RBMS3: variants seen among roughly 807,000 people sequenced by gnomAD.
RBMS3 encodes the protein RNA binding motif single stranded interacting protein 3.
A neutral mutation model predicts 66.8 loss-of-function variants in RBMS3; 27 were observed. The ratio of observed to expected loss-of-function variants is 0.40; its 90% CI spans 0.30 to 0.56. RBMS3 has a LOEUF of 0.56. Ranked by LOEUF, RBMS3 falls within the 20% of genes least tolerant of loss-of-function variation. The pLI, the probability that RBMS3 is intolerant of heterozygous loss-of-function variation, is 0.40. For synonymous variants in RBMS3, 188 were observed against 183.0 expected, an observed-to-expected ratio of 1.03 and a Z score of -0.22; for missense variants, 513 against 549.5, an observed-to-expected ratio of 0.93 and a Z score of 0.66.
chr3:29,861,008 C>G (rs1258011189), intron 6 of RBMS3, among the ~76,000 whole-genome samples: 1 of 152,098 alleles, frequency 6.6e-6, no homozygotes, highest in Non-Finnish European at 1.5e-5. Flanking sequence ...CAACTACAGG[C>G]GCCCGCCACC....
chr3:29,478,758 T>C (rs2043034314), intron 2 of RBMS3, among the ~76,000 whole-genome samples: 1 of 152,248 alleles, frequency 6.6e-6, no homozygotes, highest in Non-Finnish European at 1.5e-5. Context: ...TGTGAAGCTA[T>C]GTTTTCCATT....
chr3:29,890,393 C>T (rs888841405), intron 8 of RBMS3, among the ~76,000 whole-genome samples: 10 of 151,450 alleles, frequency 6.6e-5, no homozygotes, highest in East Asian at 1.9e-4. Flanking sequence ...GCAATTTAGC[C>T]GTCAAATATA....
intron 4 of RBMS3, among the ~76,000 whole-genome samples, chr3:29,611,659 G>T (rs549321738): frequency 6.6e-6 from 1 of 151,912 alleles, no homozygotes; most frequent in East Asian, 1.9e-4. Context: ...CAGGAGCTCC[G>T]TATTCATAGA....
chr3:29,829,047 T>C (rs2058292086), intron 6 of RBMS3, among the ~76,000 whole-genome samples: 1 of 117,274 alleles, frequency 8.5e-6, no homozygotes, highest in African/African-American at 3.2e-5. Context: ...TCTTTCTTTC[T>C]TTTGTTTTGT....
intron 1 of RBMS3, among the ~76,000 whole-genome samples, chr3:29,363,295 T>C (rs2037711343): frequency 6.6e-6 from 1 of 152,202 alleles, no homozygotes; most frequent in South Asian, 2.1e-4. Context: ...TATTTTTGTT[T>C]GTCTACTTTG....
intron 10 of RBMS3, among the ~76,000 whole-genome samples, chr3:29,929,672 A>C (rs2061055752): frequency 6.6e-6 from 1 of 152,200 alleles, no homozygotes; most frequent in Admixed American, 6.5e-5. Flanking sequence ...TACAAGGAAA[A>C]AAATGCTATG....
chr3:29,378,346 C>T (rs1298841266), intron 1 of RBMS3, among the ~76,000 whole-genome samples: 2 of 151,970 alleles, frequency 1.3e-5, no homozygotes, highest in Non-Finnish European at 2.9e-5. Flanking sequence ...GTGGTGGGCA[C>T]CTGTAGTCCC....
chr3:29,708,219 G>A (rs1487494465), intron 4 of RBMS3, among the ~76,000 whole-genome samples: 14 of 152,088 alleles, frequency 9.2e-5, no homozygotes, highest in Admixed American at 9.2e-4. Flanking sequence ...AATTGAAAAG[G>A]CAAGATAACA....
intron 4 of RBMS3, among the ~76,000 whole-genome samples, chr3:29,734,181 G>A (rs1467016438): frequency 2.0e-5 from 3 of 152,030 alleles, no homozygotes; most frequent in African/African-American, 7.2e-5. Context: ...CTCATATGCA[G>A]GAGCTAAAAA....
chr3:29,347,531 G>A (rs1490972807), intron 1 of RBMS3, among the ~76,000 whole-genome samples: 2 of 152,146 alleles, frequency 1.3e-5, no homozygotes, highest in Non-Finnish European at 2.9e-5. Flanking sequence ...ATGGGTGTGT[G>A]CATTCGCGAT....
intron 6 of RBMS3, among the ~76,000 whole-genome samples, chr3:29,852,517 T>C (rs778010870): frequency 6.6e-6 from 1 of 152,174 alleles, no homozygotes; most frequent in Non-Finnish European, 1.5e-5. Context: ...TAGATCCTTT[T>C]CAAAAGAAGA....
At chr3:29,541,019 C>T (rs1386525861) in intron 3 of RBMS3, among the ~76,000 whole-genome samples, 1 of 152,130 alleles carries the variant, frequency 6.6e-6, no homozygotes, top group East Asian at 1.9e-4. Flanking sequence ...GGGTAATGAA[C>T]TGAGACACAG....
At chr3:29,543,066 G>A (rs1450463882) in intron 3 of RBMS3, among the ~76,000 whole-genome samples, 1 of 152,134 alleles carries the variant, frequency 6.6e-6, no homozygotes, top group Non-Finnish European at 1.5e-5. Context: ...TCTAGAAAAT[G>A]GGCAGAGGAC....
chr3:29,930,109 CTTTT>C (rs775548425), intron 10 of RBMS3, among the ~76,000 whole-genome samples: 13 of 43,572 alleles, frequency 3.0e-4, no homozygotes, highest in African/African-American at 5.7e-4. Flanking sequence ...TTCTTTCTTT[CTTTT>C]TTTTTTTTTT....
chr3:29,524,415 ATTTTTTTTTT>A (rs1222102515), intron 3 of RBMS3, among the ~76,000 whole-genome samples: 15 of 57,110 alleles, frequency 2.6e-4, no homozygotes, highest in South Asian at 9.3e-4. Flanking sequence ...CTCCCTTTAC[ATTTTTTTTTT>A]TTTTTTTTTT....
chr3:29,491,316 T>C (rs1210573605), intron 3 of RBMS3, among the ~76,000 whole-genome samples: 4 of 152,120 alleles, frequency 2.6e-5, no homozygotes, highest in Non-Finnish European at 5.9e-5. Context: ...CTAAAATCAG[T>C]GGAAACAGGG....
intron 4 of RBMS3, among the ~76,000 whole-genome samples, chr3:29,711,168 G>A (rs13325053): frequency 0.12 from 17,797 of 152,058 alleles, 2,172 homozygotes; most frequent in African/African-American, 0.31. Flanking sequence ...AATAAAAGAG[G>A]ACAATTGTAA....
chr3:29,667,808 G>A (rs2050826226), intron 4 of RBMS3, among the ~76,000 whole-genome samples: 1 of 152,070 alleles, frequency 6.6e-6, no homozygotes, highest in African/African-American at 2.4e-5. Context: ...AGATAAAAGA[G>A]TTTAAGTTTA....
chr3:29,478,412 T>C (rs561559231), intron 2 of RBMS3, among the ~76,000 whole-genome samples: 1 of 152,294 alleles, frequency 6.6e-6, no homozygotes, highest in Non-Finnish European at 1.5e-5. Context: ...AGTGACAAGG[T>C]AGCTTGCTGG....
Sources: allele counts gnomAD v4.1 joint callset (sites outside exome capture counted in the v4.1 genomes callset), GRCh38; gene constraint gnomAD v4.1.1; transcripts MANE v1.5; gene names NCBI Gene and HGNC (gene_info 2026-07-23, HGNC 2026-07-21).